The following GALNT15 variants were observed in gnomAD, a reference collection of about 807,000 sequenced individuals.
GALNT15 encodes the protein polypeptide N-acetylgalactosaminyltransferase 15.
A neutral mutation model predicts 66.8 loss-of-function variants in GALNT15; 67 were observed. The observed-to-expected ratio is 1.00, with a 90% CI of 0.82 to 1.23. The LOEUF is 1.23. GALNT15 is among the 50% of genes most tolerant of loss of function. GALNT15 has a pLI of 0.00. For missense variants in GALNT15, 827 were observed against 804.3 expected (o/e 1.03, Z -0.34); for synonymous variants, 313 against 311.5 (o/e 1.00, Z -0.05).
In GALNT15 at chr3:16,207,501, TAAAAAAAAAAAAAAAAAAAAAAAA is replaced by T. The variant is rs36127239; in HGVS notation, c.912-983_912-960del. Among the ~76,000 whole-genome samples the T allele has an allele frequency of 4.0e-4, 16 of 39,846 alleles. 3 individuals carry two copies. Among genetic ancestry groups the T allele is most frequent in the East Asian group, 3.3e-3 (4 of 1,196 alleles). 26.1% of individuals were successfully genotyped at this position (39,846 alleles called of 152,430 possible). ...ACTCTGCAGTCATATCTCCAGGCTG[TAAAAAAAAAAAAAAAAAAAAAAAA>T]AAAAAAAAAAAAAAAAAATTGGGCC... On this transcript the variant is annotated intron_variant, in intron 3 of 9. Coordinates refer to ENST00000339732, the MANE Select transcript of GALNT15 (RefSeq NM_054110.5).
intron 3 of GALNT15, 91 bp from the exon 4 acceptor site, chr3:16,208,412 C>A: frequency 7.7e-7 from 1 of 1,302,532 alleles, no homozygotes; most frequent in Non-Finnish European, 1.1e-6. Context: ...TGTCTGGTAG[C>A]CACCATACTG....
rs1252779980 is a variant in GALNT15, at chr3:16,222,872, GC to G, written c.1773+115del. On this transcript the variant is annotated intron_variant, in intron 9 of 9. Transcript: ENST00000339732. The stretch of plus-strand genomic sequence containing the variant: ...TCAGGTATTAGGGACCTCTGCCTCT[GC>G]TTTTGAACTTAGTGGCTGGGCAGTA... 1.4e-5 allele frequency: 18 copies of G among 1,243,116 alleles called. No individual in the cohort carries two copies. In the South Asian group the frequency reaches 2.5e-4, roughly 17 times the overall value. The allele number at this position is 1,243,116 out of a possible 1,614,324, so 77.0% of individuals were successfully genotyped here.
In GALNT15 at chr3:16,191,745, C is replaced by T. The variant is rs910102671; in HGVS notation, c.540-4015C>T. 6.6e-6 allele frequency among the ~76,000 whole-genome samples: 1 copy of T among 152,172 alleles called. No homozygotes were observed. The highest frequency in any genetic ancestry group is 1.5e-5 in the Non-Finnish European group (1 of 68,022). On this transcript the variant is annotated intron_variant, in intron 1 of 9. Coordinates refer to ENST00000339732, the MANE Select transcript of GALNT15 (RefSeq NM_054110.5). The surrounding 1 kb of genome is among the most constrained non-coding windows in gnomAD (Gnocchi z 5.2). Reference sequence around the variant, plus strand: ...TACAAATTTCTTTCATTGAAGGAGGCCCTGCTCCATGCCAGGCACTGTGCC... The same window carrying T: ...TACAAATTTCTTTCATTGAAGGAGGTCCTGCTCCATGCCAGGCACTGTGCC...
At chr3:16,237,158 C>T in the GALNT15 span, among the ~76,000 whole-genome samples, 7 of 152,278 alleles carry the variant, frequency 4.6e-5, no homozygotes, top group Admixed American at 6.5e-5. This position sits in a 1 kb window ranked among gnomAD's most constrained non-coding sequence, Gnocchi z 4.2. Context: ...TGATCTCTGG[C>T]GTTCAATTTA....
intron 8 of GALNT15, 181 bp downstream of exon 8, chr3:16,220,195 C>A: frequency 1.6e-6 from 1 of 608,328 alleles, no homozygotes; most frequent in Non-Finnish European, 3.0e-6. Flanking sequence ...TCACCTCCAT[C>A]TGTAAGCACA....
At position 16,191,872 on chromosome 3, in the gene GALNT15, A is replaced by G. The variant is rs2063583296; in HGVS notation, c.540-3888A>G. The stretch of plus-strand genomic sequence containing the variant: ...CAGTGGATGTCTCATGCTATACTGT[A>G]GAATAGTTGTTTAAAGATAGCTATA... On this transcript the variant is annotated intron_variant, in intron 1 of 9. Transcript: ENST00000339732. The surrounding 1 kb of genome is among the most constrained non-coding windows in gnomAD (Gnocchi z 5.2). Among the ~76,000 whole-genome samples the G allele has an allele frequency of 6.6e-6, 1 of 152,224 alleles. No homozygotes were observed. The highest frequency in any genetic ancestry group is 1.5e-5 in the Non-Finnish European group (1 of 68,036).
chr3:16,232,060 G>A, downstream of GALNT15: 1 of 1,060,300 alleles, frequency 9.4e-7, no homozygotes, highest in East Asian at 2.9e-5. Flanking sequence ...GAGGGTGAAA[G>A]GTGAGCACCT....
chr3:16,227,317 G>T lies in GALNT15; in HGVS notation c.1774-37G>T. The T allele has an allele frequency of 1.3e-6, 2 of 1,594,492 alleles. No individual in the cohort carries two copies. Among genetic ancestry groups the T allele is most frequent in the South Asian group, 2.3e-5 (2 of 87,226 alleles). On this transcript the variant is annotated intron_variant, in intron 9 of 9. Transcript: ENST00000339732. This position sits in a 1 kb window ranked among gnomAD's most constrained non-coding sequence, Gnocchi z 4.5. ...TTTCTTTTGCTGACTGATTGTGGGG[G>T]ACTGGTTTTCTTTTCTTTTTTCCTT...
At position 16,175,952 on chromosome 3, in the gene GALNT15, G is replaced by T. The variant is rs1559672675; in HGVS notation, c.539+262G>T. On this transcript the variant is annotated intron_variant, in intron 1 of 9. Transcript: ENST00000339732. This position sits in a 1 kb window ranked among gnomAD's most constrained non-coding sequence, Gnocchi z 5.6. Reference sequence around the variant, plus strand: ...TGGTCTGTATGAACAAGCCCTTCAGGTGAGAATCATTGTCCTAGAAAGCAG... The same window carrying T: ...TGGTCTGTATGAACAAGCCCTTCAGTTGAGAATCATTGTCCTAGAAAGCAG... Among the ~76,000 whole-genome samples the T allele has an allele frequency of 6.6e-6, 1 of 152,158 alleles. No homozygotes were observed. The highest frequency in any genetic ancestry group is 1.5e-5 in the Non-Finnish European group (1 of 68,032).
At chr3:16,201,973 G>C (rs1327621989) in intron 3 of GALNT15, among the ~76,000 whole-genome samples, 1 of 152,198 alleles carries the variant, frequency 6.6e-6, no homozygotes, top group Non-Finnish European at 1.5e-5. Context: ...TGCCCAGCAA[G>C]ACAGGACCAA....
rs1241317721 is a variant in GALNT15, at chr3:16,222,653, C to T, written c.1668C>T (p.Gly556=). ...QHTSRKEIHF[G]SPQHLCFAVR... ...CCAGCAGGAAGGAGATTCACTTTGGCAGCCCACAGCACCTGTGCTTTGCTG... is the reference window on the plus strand; with the variant it reads ...CCAGCAGGAAGGAGATTCACTTTGGTAGCCCACAGCACCTGTGCTTTGCTG... Residue 556 remains glycine (G), a synonymous_variant, in exon 9 of 10, where the codon GGC becomes GGT. Transcript: ENST00000339732. The T allele has an allele frequency of 5.0e-6, 8 of 1,614,124 alleles. No homozygotes were observed. The highest frequency in any genetic ancestry group is 1.7e-5 in the Admixed American group (1 of 60,010).
intron 8 of GALNT15, 71 bp downstream of exon 8, chr3:16,220,085 A>G (rs1227744490): frequency 2.6e-6 from 3 of 1,174,878 alleles, no homozygotes; most frequent in African/African-American, 3.0e-5. Flanking sequence ...TTTTTCTGGG[A>G]TGCCCCATAC....
At position 16,189,073 on chromosome 3, in the gene GALNT15, C is replaced by T. The variant is rs1050389092; in HGVS notation, c.540-6687C>T. ...ATCCTTCTGAAGGGAAGTCATCCTG[C>T]ATTTTAACAACAACAACAAAAAAAG... is the stretch of plus-strand genomic sequence containing the variant. On this transcript the variant is annotated intron_variant, in intron 1 of 9. Transcript: ENST00000339732. The surrounding 1 kb of genome is among the most constrained non-coding windows in gnomAD (Gnocchi z 5.1). Among the ~76,000 whole-genome samples the T allele has an allele frequency of 6.6e-6, 1 of 151,860 alleles. No homozygotes were observed. Among genetic ancestry groups the T allele is most frequent in the Non-Finnish European group, 1.5e-5 (1 of 68,020 alleles).
At chr3:16,177,341 CT>C (rs983593556) in intron 1 of GALNT15, among the ~76,000 whole-genome samples, 2 of 152,130 alleles carry the variant, frequency 1.3e-5, no homozygotes, top group African/African-American at 4.8e-5. Context: ...CCAAAGTGGT[CT>C]GTGTGTGTGA....
In GALNT15 at chr3:16,229,013, A is replaced by G; in HGVS notation, c.*1513A>G. ...GTTGCCGAATGGGATGGGTTCTGCTATTTAATAAACAGCATTCATATTCAT... is the reference window on the plus strand; with the variant it reads ...GTTGCCGAATGGGATGGGTTCTGCTGTTTAATAAACAGCATTCATATTCAT... On this transcript the variant is annotated 3_prime_UTR_variant, in exon 10 of 10. Transcript: ENST00000339732. 1 of 985,396 alleles carries G rather than the reference A, an allele frequency of 1.0e-6. No homozygotes were observed. The highest frequency in any genetic ancestry group is 1.2e-6 in the Non-Finnish European group (1 of 829,922). 61.0% of individuals were successfully genotyped at this position (985,396 alleles called of 1,614,324 possible). A position where few individuals can be genotyped will look rare whatever the true frequency, so the allele number is the denominator to read the frequency against.
At chr3:16,248,054 T>G in the GALNT15 span, among the ~76,000 whole-genome samples, 23 of 152,360 alleles carry the variant, frequency 1.5e-4, no homozygotes, top group East Asian at 3.5e-3. The surrounding 1 kb of genome is among the most constrained non-coding windows in gnomAD (Gnocchi z 4.9). Flanking sequence ...CAGTCGTTTT[T>G]GAAGAGGGGC....
At chr3:16,208,428 C>T (rs1487206404) in intron 3 of GALNT15, 75 bp from the exon 4 acceptor site, 9 of 1,506,230 alleles carry the variant, frequency 6.0e-6, no homozygotes, top group Non-Finnish European at 8.2e-6. Flanking sequence ...TACTGGGCAG[C>T]CCATGTACAG....
intron 6 of GALNT15, among the ~76,000 whole-genome samples, chr3:16,215,937 A>G (rs758494812): frequency 2.6e-4 from 40 of 151,296 alleles, no homozygotes; most frequent in Non-Finnish European, 2.4e-4. Context: ...AAGAGGAAGA[A>G]GAAGAAGAAG....
intron 1 of GALNT15, among the ~76,000 whole-genome samples, chr3:16,177,067 C>T (rs2124831984): frequency 6.6e-6 from 1 of 152,274 alleles, no homozygotes; most frequent in African/African-American, 2.4e-5. Context: ...ACAGCACTTA[C>T]AAAACTAAAG....
Sources: gnomAD v4.1 joint callset for allele counts (sites outside exome capture counted in the v4.1 genomes callset) on GRCh38, gnomAD v4.1.1 for gene constraint, Gnocchi (gnomAD v3.1) non-coding constraint, MANE v1.5 for transcripts, NCBI Gene and HGNC (gene_info 2026-07-23, HGNC 2026-07-21) for gene names.